Variants in GTF2E2 observed in about 807,000 individuals in gnomAD.
GTF2E2 encodes the protein general transcription factor IIE subunit 2.
Under a neutral mutation model 40.5 loss-of-function variants are expected in GTF2E2, and 21 were observed. The observed-to-expected ratio is 0.52, with a 90% CI of 0.37 to 0.75. The LOEUF (loss-of-function observed/expected upper bound fraction) is 0.75. GTF2E2 is among the 30% of genes least tolerant of loss of function. The pLI, the probability that GTF2E2 is intolerant of heterozygous loss-of-function variation, is 0.00. For synonymous variants in GTF2E2, 117 were observed against 121.6 expected (o/e 0.96, Z 0.25); for missense variants, 298 against 338.4 (o/e 0.88, Z 0.94).
chr8:30,589,024 G>T (rs1828761779), intron 6 of GTF2E2, among the ~76,000 whole-genome samples: 1 of 151,938 alleles, frequency 6.6e-6, no homozygotes, highest in Admixed American at 6.6e-5. Flanking sequence ...GAGGCTGAGG[G>T]AGGCGGATCA....
At chr8:30,609,327 C>T (rs1272024011) in intron 5 of GTF2E2, among the ~76,000 whole-genome samples, 2 of 114,910 alleles carry the variant, frequency 1.7e-5, no homozygotes, top group African/African-American at 7.2e-5. Flanking sequence ...TTTTGGATTT[C>T]AGATTTTCAA....
chr8:30,624,148 T>C (rs1291944475), intron 3 of GTF2E2, among the ~76,000 whole-genome samples: 1 of 152,170 alleles, frequency 6.6e-6, no homozygotes. Context: ...GTTTTTGGTC[T>C]AACATTTAAG....
chr8:30,586,117 G>A (rs371029581), intron 6 of GTF2E2, among the ~76,000 whole-genome samples: 88 of 152,238 alleles, frequency 5.8e-4, no homozygotes, highest in Middle Eastern at 3.4e-3. Flanking sequence ...GAATCTCAAC[G>A]AGCAACACGC....
intron 3 of GTF2E2, among the ~76,000 whole-genome samples, chr8:30,629,502 C>G (rs1211677143): frequency 6.6e-6 from 1 of 151,788 alleles, no homozygotes; most frequent in Non-Finnish European, 1.5e-5. Flanking sequence ...CTGGCTAACA[C>G]GGTGAAACCC....
At chr8:30,632,589 T>C (rs1277340732) in intron 3 of GTF2E2, among the ~76,000 whole-genome samples, 1 of 152,204 alleles carries the variant, frequency 6.6e-6, no homozygotes, top group Non-Finnish European at 1.5e-5. Flanking sequence ...ACAGTATTTC[T>C]ATTTTCTCAA....
intron 6 of GTF2E2, among the ~76,000 whole-genome samples, chr8:30,602,346 T>G (rs928160193): frequency 6.6e-6 from 1 of 152,178 alleles, no homozygotes; most frequent in Non-Finnish European, 1.5e-5. Flanking sequence ...ATAAAAAATA[T>G]ATTTTAAAGA....
At chr8:30,579,670 G>A (rs924807223) in intron 7 of GTF2E2, among the ~76,000 whole-genome samples, 4 of 152,156 alleles carry the variant, frequency 2.6e-5, no homozygotes, top group East Asian at 1.9e-4. Context: ...CGGTGGATAA[G>A]GAAAGGGGGG....
rs949480601 is a variant in GTF2E2 at position 30,583,665 on chromosome 8, C to A, written c.644-3269G>T. 3.2e-4 allele frequency among the ~76,000 whole-genome samples: 48 copies of A among 152,270 alleles called. 2 individuals are homozygous for A. Among genetic ancestry groups the A allele is most frequent in the African/African-American group, 1.0e-3 (43 of 41,566 alleles). Reference sequence around the variant, plus strand: ...AAAGTACTGGGATTACCAGCCTGAGCCACTGTGCCCAACCTCCAACTTGTT... The same window carrying A: ...AAAGTACTGGGATTACCAGCCTGAGACACTGTGCCCAACCTCCAACTTGTT... On this transcript the variant is annotated intron_variant, in intron 6 of 7. Coordinates refer to ENST00000355904, the MANE Select transcript of GTF2E2 (RefSeq NM_002095.6).
intron 3 of GTF2E2, among the ~76,000 whole-genome samples, chr8:30,633,994 G>T (rs1440069157): frequency 5.3e-5 from 8 of 152,148 alleles, no homozygotes; most frequent in Non-Finnish European, 8.8e-5. Flanking sequence ...TTAACCAATA[G>T]ATGGATGAAA....
chr8:30,642,336 C>T (rs1280900590), intron 2 of GTF2E2, among the ~76,000 whole-genome samples: 1 of 149,892 alleles, frequency 6.7e-6, no homozygotes, highest in Admixed American at 6.6e-5. Flanking sequence ...AATGGTTACT[C>T]CATACTACTC....
At chr8:30,594,880 A>G (rs1372964159) in intron 6 of GTF2E2, among the ~76,000 whole-genome samples, 2 of 151,736 alleles carry the variant, frequency 1.3e-5, no homozygotes, top group African/African-American at 4.8e-5. Flanking sequence ...AAAAGTATAT[A>G]CTAGAGTCTT....
At chr8:30,654,101 AAAAAAG>A (rs1802379033) in intron 1 of GTF2E2, among the ~76,000 whole-genome samples, 1 of 151,794 alleles carries the variant, frequency 6.6e-6, no homozygotes, top group Non-Finnish European at 1.5e-5. Context: ...AAAAAAAAAA[AAAAAAG>A]AAAGAAAGAA....
At chr8:30,633,432 G>A (rs1801497928) in intron 3 of GTF2E2, among the ~76,000 whole-genome samples, 1 of 152,070 alleles carries the variant, frequency 6.6e-6, no homozygotes, top group Non-Finnish European at 1.5e-5. Context: ...ACTACAATAT[G>A]CCAGAAATTC....
intron 3 of GTF2E2, among the ~76,000 whole-genome samples, chr8:30,634,809 G>A (rs1404916886): frequency 6.6e-6 from 1 of 152,176 alleles, no homozygotes; most frequent in African/African-American, 2.4e-5. Flanking sequence ...CTGTACCCTT[G>A]AGTTAATGCA....
At chr8:30,595,759 G>A (rs1450991646) in intron 6 of GTF2E2, among the ~76,000 whole-genome samples, 1 of 152,076 alleles carries the variant, frequency 6.6e-6, no homozygotes, top group Non-Finnish European at 1.5e-5. Context: ...TTGAGCCCTG[G>A]AGGCAGAGGT....
chr8:30,653,771 G>C (rs1802362964), intron 1 of GTF2E2, among the ~76,000 whole-genome samples, 169 bp from the exon 2 acceptor site: 1 of 152,010 alleles, frequency 6.6e-6, no homozygotes, highest in Non-Finnish European at 1.5e-5. Flanking sequence ...TATTTCATTA[G>C]CGCTTATTAC....
chr8:30,616,599 A>G (rs1327228460), intron 3 of GTF2E2, among the ~76,000 whole-genome samples: 1 of 152,110 alleles, frequency 6.6e-6, no homozygotes, highest in Non-Finnish European at 1.5e-5. Context: ...ACACTTGTCC[A>G]AACCCACAGA....
At chr8:30,635,523 C>T (rs1292634915) in intron 2 of GTF2E2, among the ~76,000 whole-genome samples, 1 of 152,080 alleles carries the variant, frequency 6.6e-6, no homozygotes, top group Non-Finnish European at 1.5e-5. Flanking sequence ...GCTGGGACTA[C>T]AGGTGCACAC....
At chr8:30,627,637 T>C (rs1250775772) in intron 3 of GTF2E2, among the ~76,000 whole-genome samples, 1 of 152,126 alleles carries the variant, frequency 6.6e-6, no homozygotes, top group Non-Finnish European at 1.5e-5. Flanking sequence ...AAGACCAGCC[T>C]GGCAACACAG....
Sources: gnomAD v4.1 joint callset for allele counts (sites outside exome capture counted in the v4.1 genomes callset) on GRCh38, gnomAD v4.1.1 for gene constraint, MANE v1.5 for transcripts, NCBI Gene and HGNC (gene_info 2026-07-23, HGNC 2026-07-21) for gene names.